LMNB1: variants seen among roughly 807,000 people sequenced by gnomAD.
LMNB1 encodes the protein lamin-B1.
In LMNB1, 23 loss-of-function variants were observed where a neutral mutation model predicts 67.1. The ratio of observed to expected loss-of-function variants is 0.34; its 90% CI spans 0.25 to 0.49. The LOEUF is 0.49. Among genes scored for constraint, LMNB1 ranks in the 20% least tolerant of loss-of-function variants. The pLI, the probability that LMNB1 is intolerant of heterozygous loss-of-function variation, is 0.99. For synonymous variants in LMNB1, 281 were observed against 282.9 expected (o/e 0.99, Z 0.07); for missense variants, 634 against 746.5 (o/e 0.85, Z 1.76).
chr5:126,828,624 T>A (rs1194445118), intron 9 of LMNB1, among the ~76,000 whole-genome samples: 5 of 151,514 alleles, frequency 3.3e-5, no homozygotes, highest in Non-Finnish European at 5.9e-5. Context: ...TTGCCCAGGC[T>A]GGAGTGGAGT....
rs762616683 is a variant in LMNB1, at chr5:126,819,105, A to G, written c.1123A>G (p.Ser375Gly). Residue 375 changes from serine (S) to glycine (G), a missense_variant, in exon 6 of 11, where the codon AGT becomes GGT. Transcript: ENST00000261366. ...AAAGTTAGCCCTGGACATGGAAATC[A>G]GTGCTTACAGGAAACTCTTAGAAGG... Reference protein sequence around the residue: ...DVKLALDMEISAYRKLLEGEE... With the variant: ...DVKLALDMEIGAYRKLLEGEE... 2 of 1,614,068 alleles carry G rather than the reference A, an allele frequency of 1.2e-6. No homozygotes were observed. The highest frequency in any genetic ancestry group is 1.7e-6 in the Non-Finnish European group (2 of 1,180,030).
Position 126,836,484 on chromosome 5 carries a change from T to G in LMNB1, c.*220T>G, listed in dbSNP as rs1311495790. ...AAGATGTGAATTATTGACACTGAACTTAATAACTGTGTACTGTTCGGAAGG... is the reference window on the plus strand; with the variant it reads ...AAGATGTGAATTATTGACACTGAACGTAATAACTGTGTACTGTTCGGAAGG... On this transcript the variant is annotated 3_prime_UTR_variant, in exon 11 of 11. Coordinates refer to ENST00000261366, the MANE Select transcript of LMNB1 (RefSeq NM_005573.4). 4.2e-5 allele frequency: 20 copies of G among 480,802 alleles called. No individual in the cohort carries two copies. Among genetic ancestry groups the G allele is most frequent in the Non-Finnish European group, 7.0e-5 (19 of 273,058 alleles). 29.8% of individuals were successfully genotyped at this position (480,802 alleles called of 1,614,324 possible).
intron 9 of LMNB1, among the ~76,000 whole-genome samples, chr5:126,830,874 T>TGAAC (rs1580559187): frequency 6.6e-6 from 1 of 152,238 alleles, no homozygotes; most frequent in African/African-American, 2.4e-5. Flanking sequence ...GTTGATAGCT[T>TGAAC]GAACGGTGGT....
chr5:126,834,672 C>T (rs536628927), intron 10 of LMNB1, among the ~76,000 whole-genome samples: 44 of 152,152 alleles, frequency 2.9e-4, no homozygotes, highest in Non-Finnish European at 4.7e-4. Flanking sequence ...GTCAGGAGAT[C>T]GAGACCATCC....
intron 1 of LMNB1, among the ~76,000 whole-genome samples, chr5:126,786,112 C>CTTTT (rs70997312): frequency 0.23 from 24,822 of 106,122 alleles, 3,519 homozygotes; most frequent in South Asian, 0.33. Flanking sequence ...CAGACATTAT[C>CTTTT]TTTTTTTTTT....
intron 5 of LMNB1, among the ~76,000 whole-genome samples, chr5:126,813,038 CTT>C (rs1241070646): frequency 2.0e-5 from 3 of 152,130 alleles, no homozygotes; most frequent in Non-Finnish European, 4.4e-5. Context: ...CTATTTTACT[CTT>C]GATTGGGCTT....
intron 1 of LMNB1, among the ~76,000 whole-genome samples, chr5:126,786,539 G>T (rs965951531): frequency 6.6e-6 from 1 of 152,188 alleles, no homozygotes; most frequent in Non-Finnish European, 1.5e-5. Context: ...AAGGATGGTA[G>T]CCTGACTTCT....
intron 7 of LMNB1, 140 bp downstream of exon 7, chr5:126,821,275 CATAAA>C (rs1190288796): frequency 5.9e-5 from 35 of 594,708 alleles, no homozygotes; most frequent in Non-Finnish European, 9.5e-5. Context: ...TACTTAAATT[CATAAA>C]ATAAAATAAA....
chr5:126,836,526 T>G lies in LMNB1; in HGVS notation c.*262T>G. The stretch of plus-strand genomic sequence containing the variant: ...TTCGGAAGGGGTTCCTCAAATTTTT[T>G]GACTTTTTTTGTATGTGTGTTTTTT... On this transcript the variant is annotated 3_prime_UTR_variant, in exon 11 of 11. Coordinates refer to ENST00000261366, the MANE Select transcript of LMNB1 (RefSeq NM_005573.4). 2.7e-6 allele frequency: 1 copy of G among 365,102 alleles called. No homozygotes were observed. Among genetic ancestry groups the G allele is most frequent in the Non-Finnish European group, 4.8e-6 (1 of 206,600 alleles). The allele number at this position is 365,102 out of a possible 1,614,324, so 22.6% of individuals were successfully genotyped here. A position where few individuals can be genotyped will look rare whatever the true frequency, so the allele number is the denominator to read the frequency against.
At chr5:126,825,024 G>C (rs1392902555) in intron 8 of LMNB1, among the ~76,000 whole-genome samples, 2 of 152,080 alleles carry the variant, frequency 1.3e-5, no homozygotes, top group African/African-American at 4.8e-5. Flanking sequence ...GCCATCTTCA[G>C]CTTTCCTTTT....
chr5:126,817,078 G>GTTT (rs367876694), intron 5 of LMNB1, among the ~76,000 whole-genome samples: 4,791 of 22,838 alleles, frequency 0.21, 226 homozygotes, highest in African/African-American at 0.32. Context: ...CCGTTTGTTT[G>GTTT]GTTTGTTTGT....
At chr5:126,808,961 C>T (rs1337516378) in intron 3 of LMNB1, among the ~76,000 whole-genome samples, 1 of 151,984 alleles carries the variant, frequency 6.6e-6, no homozygotes, top group African/African-American at 2.4e-5. Context: ...CTGCAACCAC[C>T]GTCTCCCAGG....
intron 1 of LMNB1, among the ~76,000 whole-genome samples, chr5:126,792,567 ATTTTTTTTT>A (rs752371260): frequency 3.0e-5 from 3 of 99,154 alleles, no homozygotes; most frequent in African/African-American, 1.3e-4. Context: ...AGCACTAGGG[ATTTTTTTTT>A]TTTTTTTTTT....
intron 6 of LMNB1, 93 bp downstream of exon 6, chr5:126,819,235 CTT>C: frequency 1.2e-6 from 1 of 809,376 alleles, no homozygotes; most frequent in South Asian, 1.8e-5. Context: ...TTAAAAAGAA[CTT>C]TATTTTCTTG....
At chr5:126,786,013 G>C (rs985823973) in intron 1 of LMNB1, among the ~76,000 whole-genome samples, 2 of 151,520 alleles carry the variant, frequency 1.3e-5, no homozygotes, top group East Asian at 3.9e-4. Context: ...GACTCCCTTT[G>C]GGGGGTGGGG....
chr5:126,811,928 G>A, intron 5 of LMNB1, 30 bp downstream of exon 5: 1 of 1,595,178 alleles, frequency 6.3e-7, no homozygotes, highest in Non-Finnish European at 8.6e-7. Flanking sequence ...TAAGAAGTTA[G>A]ACTTGAAGGC....
chr5:126,788,656 A>C (rs553333938), intron 1 of LMNB1, among the ~76,000 whole-genome samples: 1 of 152,216 alleles, frequency 6.6e-6, no homozygotes, highest in East Asian at 1.9e-4. Flanking sequence ...TCGTCCTAAA[A>C]GGTGAGAAAA....
intron 1 of LMNB1, among the ~76,000 whole-genome samples, chr5:126,778,400 C>A (rs896375334): frequency 6.6e-6 from 1 of 152,204 alleles, no homozygotes; most frequent in African/African-American, 2.4e-5. Flanking sequence ...GACCTTCCCG[C>A]AGCATCCGCG....
At chr5:126,792,198 A>G (rs1306770315) in intron 1 of LMNB1, among the ~76,000 whole-genome samples, 14 of 147,616 alleles carry the variant, frequency 9.5e-5, no homozygotes, top group Admixed American at 8.9e-4. Context: ...ACTGGAGTAC[A>G]GCGGCATGAT....
Sources: allele counts gnomAD v4.1 joint callset (sites outside exome capture counted in the v4.1 genomes callset), GRCh38; gene constraint gnomAD v4.1.1; transcripts MANE v1.5; gene names NCBI Gene and HGNC (gene_info 2026-07-23, HGNC 2026-07-21).